FTCDNL1: variants seen among roughly 807,000 people sequenced by gnomAD.
FTCDNL1 encodes formiminotransferase N-terminal subdomain-containing protein.
FTCDNL1 carries 11 observed loss-of-function variants against 5.9 expected under a neutral mutation model. That is an observed-to-expected ratio of 1.87 (90% CI 1.18 to 3.10). The LOEUF (loss-of-function observed/expected upper bound fraction) is 3.10. Ranked by LOEUF, FTCDNL1 falls within the 30% of genes most tolerant of loss-of-function variation. FTCDNL1 has a pLI of 0.00. For missense variants in FTCDNL1, 115 were observed against 65.5 expected (o/e 1.76, Z -2.61); for synonymous variants, 58 against 24.8 (o/e 2.34, Z -3.99).
At chr2:199,683,834 T>C in the FTCDNL1 span, among the ~76,000 whole-genome samples, 1 of 152,164 alleles carries the variant, frequency 6.6e-6, no homozygotes, top group East Asian at 1.9e-4. Context: ...GCTCACCTTG[T>C]CTATGTCAGT....
intron 3 of FTCDNL1, among the ~76,000 whole-genome samples, chr2:199,771,122 C>A (rs187350441): frequency 5.3e-5 from 8 of 152,302 alleles, no homozygotes; most frequent in East Asian, 1.9e-4. Flanking sequence ...GACAGGCATG[C>A]GCATTCATGG....
At chr2:199,670,038 G>A in the FTCDNL1 span, among the ~76,000 whole-genome samples, 5 of 152,264 alleles carry the variant, frequency 3.3e-5, no homozygotes, top group Admixed American at 3.3e-4. Flanking sequence ...ATTTCAAATG[G>A]TGATTACATG....
the FTCDNL1 span, among the ~76,000 whole-genome samples, chr2:199,742,690 A>G: frequency 6.6e-6 from 1 of 152,184 alleles, no homozygotes; most frequent in Non-Finnish European, 1.5e-5. Flanking sequence ...GAAATCAGGC[A>G]CATAGAAATG....
intron 3 of FTCDNL1, among the ~76,000 whole-genome samples, chr2:199,788,711 C>A (rs1039729546): frequency 6.0e-5 from 9 of 150,968 alleles, no homozygotes; most frequent in African/African-American, 2.4e-5. Context: ...AAAATAGACC[C>A]CCAAGTCTGA....
In FTCDNL1 at chr2:199,819,702, G is replaced by A. The variant is rs1701569001; in HGVS notation, c.267C>T (p.Gly89=). 1 of 702,220 alleles carries A rather than the reference G, an allele frequency of 1.4e-6. No individual in the cohort carries two copies. The allele number at this position is 702,220 out of a possible 1,614,324, so 43.5% of individuals were successfully genotyped here. A position where few individuals can be genotyped will look rare whatever the true frequency, so the allele number is the denominator to read the frequency against. ...HVPGCSVFLF[G]EADLPEKRSL... is the part of the protein sequence containing the mutation. ...TGCGCTTCTCAGGCAGGTCAGCTTC[G>A]CCAAAGAGAAACACGCTGCAGCCAG... is the stretch of plus-strand genomic sequence containing the variant. Residue 89 remains glycine (G), a synonymous_variant, in exon 4 of 5, where the codon GGC becomes GGT. Transcript: ENST00000420128.
Position 199,781,013 on chromosome 2 carries a change from A to C in FTCDNL1, c.212-20178T>G, listed in dbSNP as rs148613849. ...CTCTGCCACAATGTACTCTATTCACATGCCCATTGTGCCAGCACCGAGTGA... is the reference window on the plus strand; with the variant it reads ...CTCTGCCACAATGTACTCTATTCACCTGCCCATTGTGCCAGCACCGAGTGA... On this transcript the variant is annotated intron_variant, in intron 3 of 3. Coordinates refer to the FTCDNL1 transcript ENST00000416668. Among the ~76,000 whole-genome samples, 25 of 152,306 alleles carry C rather than the reference A, an allele frequency of 1.6e-4. No homozygotes were observed. The East Asian group carries it at 4.8e-3, about 29-fold the overall frequency.
chr2:199,740,237 G>C, the FTCDNL1 span, among the ~76,000 whole-genome samples: 4 of 152,176 alleles, frequency 2.6e-5, no homozygotes, highest in Admixed American at 2.6e-4. Flanking sequence ...CTAAATGAAA[G>C]GACAAGAGAA....
the FTCDNL1 span, among the ~76,000 whole-genome samples, chr2:199,686,563 T>C: frequency 6.6e-6 from 1 of 152,184 alleles, no homozygotes; most frequent in Non-Finnish European, 1.5e-5. Context: ...GAAGAATATA[T>C]TATGAAATGA....
chr2:199,734,288 A>T, the FTCDNL1 span, among the ~76,000 whole-genome samples: 1 of 152,214 alleles, frequency 6.6e-6, no homozygotes, highest in Non-Finnish European at 1.5e-5. Flanking sequence ...ATTTTGCTTT[A>T]TACAACATAC....
the FTCDNL1 span, among the ~76,000 whole-genome samples, chr2:199,672,430 T>C: frequency 1.3e-5 from 2 of 152,324 alleles, no homozygotes; most frequent in African/African-American, 4.8e-5. Flanking sequence ...TTAGAGATGA[T>C]AATTTAGTGA....
At chr2:199,844,569 T>C (rs1351599158) in intron 3 of FTCDNL1, 2 of 485,812 alleles carry the variant, frequency 4.1e-6, no homozygotes, top group Non-Finnish European at 7.5e-6. Context: ...ATCATTCAGC[T>C]TTCAACTGCA....
chr2:199,827,018 T>C (rs1702079023), intron 3 of FTCDNL1, among the ~76,000 whole-genome samples: 2 of 152,198 alleles, frequency 1.3e-5, no homozygotes, highest in Admixed American at 6.5e-5. Context: ...TCCTGAAAAG[T>C]CAATTAGGAA....
the FTCDNL1 span, among the ~76,000 whole-genome samples, chr2:199,746,482 G>C: frequency 3.3e-5 from 5 of 152,016 alleles, no homozygotes; most frequent in East Asian, 9.7e-4. Flanking sequence ...GTGCCAGCTA[G>C]GCAGAGAGGT....
chr2:199,746,115 C>T, the FTCDNL1 span, among the ~76,000 whole-genome samples: 2 of 152,100 alleles, frequency 1.3e-5, no homozygotes, highest in African/African-American at 4.8e-5. Flanking sequence ...TTTTACTCTA[C>T]CAAAATCAGT....
At position 199,809,494 on chromosome 2, in the gene FTCDNL1, T is replaced by C. The variant is rs1471527010; in HGVS notation, c.*3211A>G. Among the ~76,000 whole-genome samples, 1 of 152,170 alleles carries C rather than the reference T, an allele frequency of 6.6e-6. No homozygotes were observed. The highest frequency in any genetic ancestry group is 2.4e-5 in the African/African-American group (1 of 41,436). On this transcript the variant is annotated 3_prime_UTR_variant, in exon 5 of 5. Coordinates refer to ENST00000420128, the MANE Select transcript of FTCDNL1 (RefSeq NM_001363886.2). ...AACTCAATTTGTGGAAAAATTCATT[T>C]CTCTGTGCTTTATGGGGAGCATCTG...
At chr2:199,688,420 A>T in the FTCDNL1 span, among the ~76,000 whole-genome samples, 1 of 152,114 alleles carries the variant, frequency 6.6e-6, no homozygotes, top group Non-Finnish European at 1.5e-5. Context: ...CTGTAAACTT[A>T]GGGCAAGTCT....
At chr2:199,719,676 C>T in the FTCDNL1 span, among the ~76,000 whole-genome samples, 17 of 151,948 alleles carry the variant, frequency 1.1e-4, no homozygotes, top group South Asian at 2.1e-4. Context: ...ACTCTGTTAC[C>T]CAGGCTGGAG....
At chr2:199,706,891 T>C in the FTCDNL1 span, among the ~76,000 whole-genome samples, 1 of 152,210 alleles carries the variant, frequency 6.6e-6, no homozygotes, top group African/African-American at 2.4e-5. Flanking sequence ...CAGCCGATTA[T>C]ATGGGACATC....
the FTCDNL1 span, among the ~76,000 whole-genome samples, chr2:199,696,641 A>T: frequency 2.6e-5 from 4 of 152,192 alleles, no homozygotes; most frequent in South Asian, 8.3e-4. Flanking sequence ...AAAGCAAAAA[A>T]AAAAAATCCA....
Sources: gnomAD v4.1 joint callset for allele counts (sites outside exome capture counted in the v4.1 genomes callset) on GRCh38, gnomAD v4.1.1 for gene constraint, MANE v1.5 for transcripts, NCBI Gene and HGNC (gene_info 2026-07-23, HGNC 2026-07-21) for gene names.